The following WDR59 variants were observed in gnomAD, a reference collection of about 807,000 sequenced individuals.
WDR59 encodes GATOR2 complex protein WDR59.
In WDR59, 100 loss-of-function variants were observed where a neutral mutation model predicts 131.2. The observed-to-expected ratio is 0.76, with a 90% CI of 0.65 to 0.90. WDR59 has a LOEUF of 0.90. WDR59 is among the 40% of genes least tolerant of loss of function. The pLI is 0.00. For synonymous variants in WDR59, 601 were observed against 466.2 expected (o/e 1.29, Z -3.72); for missense variants, 1,203 against 1,262.2 (o/e 0.95, Z 0.71).
chr16:74,939,250 T>A (rs2032039784), intron 7 of WDR59, among the ~76,000 whole-genome samples: 1 of 152,098 alleles, frequency 6.6e-6, no homozygotes, highest in Non-Finnish European at 1.5e-5. Flanking sequence ...CCAAAATTTT[T>A]CCTGTCTTAA....
intron 11 of WDR59, 87 bp downstream of exon 11, chr16:74,917,842 C>T (rs1966467049): frequency 1.9e-6 from 2 of 1,049,194 alleles, no homozygotes; most frequent in Non-Finnish European, 2.8e-6. Flanking sequence ...ATTGTTTATC[C>T]TGTAACCTCT....
chr16:74,929,686 C>G (rs564153348), intron 8 of WDR59, among the ~76,000 whole-genome samples: 6 of 152,238 alleles, frequency 3.9e-5, no homozygotes, highest in African/African-American at 7.2e-5. Flanking sequence ...TAGGTATACA[C>G]CCCAAAGAAA....
intron 23 of WDR59, 66 bp from the exon 24 acceptor site, chr16:74,886,462 C>G: frequency 1.3e-6 from 2 of 1,572,242 alleles, no homozygotes; most frequent in South Asian, 2.3e-5. Flanking sequence ...TCTGAAGAGT[C>G]TCATAAGACA....
intron 11 of WDR59, among the ~76,000 whole-genome samples, chr16:74,916,845 A>G (rs1262459111): frequency 7.2e-6 from 1 of 138,366 alleles, no homozygotes; most frequent in African/African-American, 2.6e-5. Flanking sequence ...GGCAACAGAG[A>G]GAGACTCCAT....
intron 17 of WDR59, among the ~76,000 whole-genome samples, chr16:74,907,777 G>C (rs1224463492): frequency 6.6e-6 from 1 of 152,288 alleles, no homozygotes; most frequent in Middle Eastern, 3.4e-3. Context: ...CAGGAAACAT[G>C]GAGCACTTCC....
intron 11 of WDR59, among the ~76,000 whole-genome samples, chr16:74,917,221 G>A (rs904046466): frequency 3.3e-5 from 5 of 152,154 alleles, no homozygotes; most frequent in Middle Eastern, 3.2e-3. Context: ...ATCATTTATC[G>A]GGAAAAAATT....
In WDR59 at chr16:74,981,907, C is replaced by CGGCCT. The variant is rs951767485; in HGVS notation, c.54+3052_54+3056dup. On this transcript the variant is annotated intron_variant, in intron 1 of 25. Transcript: ENST00000262144. ...CTGACCTCAGGTGATCCGCCTACCT[C>CGGCCT]GGCCTCCCAAAGTGGTGGGATTACA... Among the ~76,000 whole-genome samples the CGGCCT allele has an allele frequency of 1.8e-4, 24 of 134,190 alleles. No individual in the cohort carries two copies. The East Asian group carries it at 5.5e-3, about 31-fold the overall frequency. 88.0% of individuals were successfully genotyped at this position (134,190 alleles called of 152,430 possible). A position where few individuals can be genotyped will look rare whatever the true frequency, so the allele number is the denominator to read the frequency against.
chr16:74,961,123 C>G (rs2080805433), intron 2 of WDR59, among the ~76,000 whole-genome samples: 2 of 148,700 alleles, frequency 1.3e-5, no homozygotes, highest in Admixed American at 6.8e-5. Context: ...CTAGGCAACA[C>G]AGGGAGACCC....
Position 74,888,154 on chromosome 16 carries a change from A to G in WDR59, c.2346+15T>C, listed in dbSNP as rs778270710. On this transcript the variant is annotated intron_variant, in intron 22 of 25. Coordinates refer to ENST00000262144, the MANE Select transcript of WDR59 (RefSeq NM_030581.4). ...AAAAAAAAAATCAGACAAAACCAGA[A>G]AAGGACAAACTTACATATCGACTAT... 12 of 1,566,296 alleles carry G rather than the reference A, an allele frequency of 7.7e-6. No individual in the cohort carries two copies. In the South Asian group the frequency reaches 9.6e-5, roughly 12 times the overall value.
At chr16:74,917,114 G>A (rs1401938288) in intron 11 of WDR59, among the ~76,000 whole-genome samples, 1 of 152,164 alleles carries the variant, frequency 6.6e-6, no homozygotes, top group East Asian at 1.9e-4. Context: ...ATCAAATGAG[G>A]AGAGGACAGA....
chr16:74,885,888 A>T, intron 24 of WDR59, 93 bp from the exon 25 acceptor site: 1 of 1,464,284 alleles, frequency 6.8e-7, no homozygotes, highest in Non-Finnish European at 9.2e-7. Flanking sequence ...TTAAAGCAAC[A>T]GTCCTGGCCA....
intron 1 of WDR59, among the ~76,000 whole-genome samples, chr16:74,974,937 G>T (rs1208986206): frequency 6.6e-6 from 1 of 152,184 alleles, no homozygotes; most frequent in Non-Finnish European, 1.5e-5. Context: ...CTTTGATTCT[G>T]CATTGTGTCC....
intron 3 of WDR59, among the ~76,000 whole-genome samples, chr16:74,954,177 G>A (rs1465664627): frequency 6.6e-6 from 1 of 152,188 alleles, no homozygotes; most frequent in Non-Finnish European, 1.5e-5. Flanking sequence ...GGGAGGCTGA[G>A]GTGGGTGGAT....
intron 9 of WDR59, 68 bp downstream of exon 9, chr16:74,923,858 C>G: frequency 7.3e-7 from 1 of 1,379,114 alleles, no homozygotes; most frequent in Non-Finnish European, 1.0e-6. Flanking sequence ...AGAAAATGTC[C>G]CCGGGCTCCT....
At chr16:74,904,207 A>G in intron 17 of WDR59, 107 bp from the exon 18 acceptor site, 3 of 1,365,222 alleles carry the variant, frequency 2.2e-6, no homozygotes, top group Non-Finnish European at 3.0e-6. Context: ...AAATGAGAAG[A>G]TGGAAACTCC....
Position 74,886,288 on chromosome 16 carries a change from T to C in WDR59, c.2528A>G (p.Gln843Arg). 1 of 1,613,928 alleles carries C rather than the reference T, an allele frequency of 6.2e-7. No individual in the cohort carries two copies. Among genetic ancestry groups the C allele is most frequent in the Non-Finnish European group, 8.5e-7 (1 of 1,179,936 alleles). Residue 843 changes from glutamine to arginine, a missense_variant, in exon 24 of 26, where the codon CAG (glutamine) becomes CGG (arginine). Transcript: ENST00000262144. ...YSDPRERERD[Q>R]HDKNKRLLDP... ...TGGTTACCTTTTATTTTTATCATGC[T>C]GGTCGCGTTCTCGCTCACGGGGATC...
chr16:74,963,578 G>A (rs1404609070), intron 2 of WDR59, among the ~76,000 whole-genome samples: 1 of 149,768 alleles, frequency 6.7e-6, no homozygotes, highest in African/African-American at 2.5e-5. Flanking sequence ...AATGTACACT[G>A]GGACTTGTTG....
chr16:74,971,099 G>A (rs1404103349), intron 1 of WDR59, among the ~76,000 whole-genome samples: 1 of 151,920 alleles, frequency 6.6e-6, no homozygotes, highest in African/African-American at 2.4e-5. Context: ...CAAAATCAAG[G>A]TCCTTCCAGC....
chr16:74,961,142 CA>C (rs34336346), intron 2 of WDR59, among the ~76,000 whole-genome samples: 41,396 of 140,370 alleles, frequency 0.29, 6,778 homozygotes, highest in East Asian at 0.7. Flanking sequence ...CCTGTCTCTA[CA>C]AAAAAAAAAA....
Sources: gnomAD v4.1 joint callset for allele counts (sites outside exome capture counted in the v4.1 genomes callset) on GRCh38, gnomAD v4.1.1 for gene constraint, MANE v1.5 for transcripts, NCBI Gene and HGNC (gene_info 2026-07-23, HGNC 2026-07-21) for gene names.